USPL1: variants seen among roughly 807,000 people sequenced by gnomAD.
The protein encoded by USPL1 is SUMO-specific isopeptidase USPL1.
Under a neutral mutation model 51.5 loss-of-function variants are expected in USPL1, and 27 were observed. That is an observed-to-expected ratio of 0.52 (90% confidence interval 0.39 to 0.72). The LOEUF (loss-of-function observed/expected upper bound fraction) is 0.72. Ranked by LOEUF, USPL1 falls within the 30% of genes least tolerant of loss-of-function variation. The pLI is 0.00. For synonymous variants in USPL1, 451 were observed against 459.6 expected (o/e 0.98, Z 0.24); for missense variants, 1,226 against 1,268.0 (o/e 0.97, Z 0.50).
chr13:30,633,743 T>G (rs543230029), intron 4 of USPL1, among the ~76,000 whole-genome samples: 3 of 139,018 alleles, frequency 2.2e-5, no homozygotes. Context: ...ATCACGCCAC[T>G]GCACTCCAAC....
At chr13:30,619,588 C>G (rs182676953) in intron 1 of USPL1, among the ~76,000 whole-genome samples, 2 of 152,286 alleles carry the variant, frequency 1.3e-5, no homozygotes, top group East Asian at 3.9e-4. Flanking sequence ...TGCTTCTCTA[C>G]GCAGAATGAA....
intron 3 of USPL1, 77 bp from the exon 4 acceptor site, chr13:30,630,758 T>C: frequency 7.1e-7 from 1 of 1,412,802 alleles, no homozygotes; most frequent in Non-Finnish European, 9.5e-7. Flanking sequence ...TATACATGTT[T>C]TTCATGATAT....
intron 5 of USPL1, 117 bp from the exon 6 acceptor site, chr13:30,642,511 C>T: frequency 8.2e-7 from 1 of 1,214,486 alleles, no homozygotes; most frequent in South Asian, 1.9e-5. Context: ...TTGTGTCATA[C>T]TGTATTAACA....
chr13:30,659,597 A>G lies in USPL1; in HGVS notation c.*241A>G, dbSNP rs1951228674. On this transcript the variant is annotated 3_prime_UTR_variant, in exon 9 of 9. Transcript: ENST00000255304. ...TTCTTGTGAGAGTATGAGGATTTCA[A>G]AATGTTAAAGATGAAAAGTGGCGTC... is the stretch of plus-strand genomic sequence containing the variant. The G allele has an allele frequency of 2.6e-6, 1 of 385,650 alleles. No individual in the cohort carries two copies. Among genetic ancestry groups the G allele is most frequent in the Non-Finnish European group, 4.5e-6 (1 of 220,524 alleles). 23.9% of individuals were successfully genotyped at this position (385,650 alleles called of 1,614,324 possible).
At chr13:30,623,764 G>A (rs1950675010) in intron 3 of USPL1, among the ~76,000 whole-genome samples, 1 of 152,130 alleles carries the variant, frequency 6.6e-6, no homozygotes, top group Admixed American at 6.5e-5. Flanking sequence ...GGAAAGGAGT[G>A]GAGGGGCTGG....
intron 3 of USPL1, among the ~76,000 whole-genome samples, chr13:30,623,075 G>A (rs1950665152): frequency 6.6e-6 from 1 of 152,116 alleles, no homozygotes; most frequent in East Asian, 1.9e-4. Flanking sequence ...AAATAAGGCA[G>A]TAGGGACTGG....
Position 30,639,955 on chromosome 13 carries a change from A to G in USPL1, c.982+2098A>G, listed in dbSNP as rs141189649. ...ACCTCCGCCATGGGCCTGGTTTTCT[A>G]TGTAACAGAAGGAATTTTTAAATTA... is the stretch of plus-strand genomic sequence containing the variant. On this transcript the variant is annotated intron_variant, in intron 5 of 8. Coordinates refer to ENST00000255304, the MANE Select transcript of USPL1 (RefSeq NM_005800.5). Among the ~76,000 whole-genome samples, 299 of 152,272 alleles carry G rather than the reference A, an allele frequency of 2.0e-3. 2 individuals carry two copies. Among genetic ancestry groups the G allele is most frequent in the African/African-American group, 6.8e-3 (284 of 41,540 alleles).
chr13:30,620,838 T>C (rs1166845753), intron 1 of USPL1, among the ~76,000 whole-genome samples: 2 of 152,208 alleles, frequency 1.3e-5, no homozygotes, highest in East Asian at 3.8e-4. Context: ...TGTTGACAAA[T>C]GAGTCTGCTA....
chr13:30,654,382 C>G (rs956413466), intron 8 of USPL1, among the ~76,000 whole-genome samples: 2 of 151,628 alleles, frequency 1.3e-5, no homozygotes, highest in African/African-American at 4.8e-5. Flanking sequence ...TCCTTCTTTG[C>G]TCCTTCATTC....
intron 8 of USPL1, among the ~76,000 whole-genome samples, chr13:30,656,694 T>C (rs1040914305): frequency 1.3e-5 from 2 of 152,248 alleles, no homozygotes; most frequent in African/African-American, 4.8e-5. Flanking sequence ...CAAGAGGAAT[T>C]GCTGGGTCTT....
At position 30,659,638 on chromosome 13, in the gene USPL1, T is replaced by C. The variant is rs1951229579; in HGVS notation, c.*282T>C. 3.3e-6 allele frequency: 1 copy of C among 299,234 alleles called. No individual in the cohort carries two copies. The highest frequency in any genetic ancestry group is 2.2e-5 in the African/African-American group (1 of 45,678). 18.5% of individuals were successfully genotyped at this position (299,234 alleles called of 1,614,324 possible). On this transcript the variant is annotated 3_prime_UTR_variant, in exon 9 of 9. Transcript: ENST00000255304. Reference sequence around the variant, plus strand: ...AAGTGGCGTCTAGTTTCTGACAGTTTGTACAGTTGGATGCATTACATTTTT... The same window carrying C: ...AAGTGGCGTCTAGTTTCTGACAGTTCGTACAGTTGGATGCATTACATTTTT...
chr13:30,638,815 A>G (rs1593376183), intron 5 of USPL1, among the ~76,000 whole-genome samples: 1 of 150,768 alleles, frequency 6.6e-6, no homozygotes, highest in Non-Finnish European at 1.5e-5. Context: ...AGTTGTTGCT[A>G]CTGATTTGTC....
At chr13:30,650,517 C>G (rs939736664) in intron 7 of USPL1, among the ~76,000 whole-genome samples, 1 of 147,296 alleles carries the variant, frequency 6.8e-6, no homozygotes, top group African/African-American at 2.5e-5. Context: ...GCAAAGGTTT[C>G]AGTGAGCAGA....
At chr13:30,655,907 T>C (rs1421747379) in intron 8 of USPL1, among the ~76,000 whole-genome samples, 1 of 152,226 alleles carries the variant, frequency 6.6e-6, no homozygotes, top group African/African-American at 2.4e-5. Context: ...AGCTACGTAT[T>C]TGCTGTGCCG....
chr13:30,639,232 A>G, intron 5 of USPL1, among the ~76,000 whole-genome samples: 1 of 150,794 alleles, frequency 6.6e-6, no homozygotes. Context: ...GTATATATAT[A>G]TATATATATA....
chr13:30,618,233 C>A (rs1368214608), intron 1 of USPL1, among the ~76,000 whole-genome samples, 177 bp downstream of exon 1: 1 of 152,154 alleles, frequency 6.6e-6, no homozygotes, highest in Non-Finnish European at 1.5e-5. Context: ...CGTTTGGGCG[C>A]AGAGAGGTGA....
Position 30,653,226 on chromosome 13 carries a change from A to T in USPL1, c.1317A>T (p.Glu439Asp). ...TGCAGCACTATGCATTTCATTTTGA[A>T]GGCTGTCTTTATCAGATAACTTCTG... Reference protein sequence around the residue: ...NDLQHYAFHFEGCLYQITSVI... With the variant: ...NDLQHYAFHFDGCLYQITSVI... Residue 439 changes from glutamate to aspartate, a missense_variant, in exon 8 of 9, where the codon GAA (glutamate) becomes GAT (aspartate). Transcript: ENST00000255304. 6.2e-7 allele frequency: 1 copy of T among 1,613,298 alleles called. No individual in the cohort carries two copies. Among genetic ancestry groups the T allele is most frequent in the Non-Finnish European group, 8.5e-7 (1 of 1,179,480 alleles).
Position 30,658,535 on chromosome 13 carries a change from A to G in USPL1, c.2458A>G (p.Ser820Gly), listed in dbSNP as rs1388260096. The change falls in exon 9 of 9, where the codon AGT becomes GGT. Residue 820 changes from serine to glycine, a missense_variant. By Grantham distance (56) the Ser-to-Gly change is moderately conservative. Transcript: ENST00000255304. ...ATCCAAGAAAGCTCGTAAGAGTGCAAGTAAGCCTCCTCCCATCAGTAAGCC... is the reference window on the plus strand; with the variant it reads ...ATCCAAGAAAGCTCGTAAGAGTGCAGGTAAGCCTCCTCCCATCAGTAAGCC... ...HVSKKARKSA[S>G]KPPPISKPPA... is the part of the protein sequence containing the mutation. 3 of 1,614,104 alleles carry G rather than the reference A, an allele frequency of 1.9e-6. No individual in the cohort carries two copies. Among genetic ancestry groups the G allele is most frequent in the East Asian group, 4.5e-5 (2 of 44,882 alleles).
Position 30,658,929 on chromosome 13 carries a change from A to AGG in USPL1, c.2853_2854insGG (p.Ser952GlyfsTer22), listed in dbSNP as rs1238278452. The AGG allele has an allele frequency of 6.2e-7, 1 of 1,614,230 alleles. No individual in the cohort carries two copies. Among genetic ancestry groups the AGG allele is most frequent in the South Asian group, 1.1e-5 (1 of 91,086 alleles). ...CCATATCCAATTGATATTGCCAGTGAGTCTGCATGCACCACTGTTCCTGGT... is the reference window on the plus strand; with the variant it reads ...CCATATCCAATTGATATTGCCAGTGAGGGTCTGCATGCACCACTGTTCCTGGT... On this transcript the variant is annotated frameshift_variant, in exon 9 of 9. Coordinates refer to ENST00000255304, the MANE Select transcript of USPL1 (RefSeq NM_005800.5). LOFTEE classifies it low-confidence loss of function (END_TRUNC).
Sources: gnomAD v4.1 joint callset for allele counts (sites outside exome capture counted in the v4.1 genomes callset) on GRCh38, gnomAD v4.1.1 for gene constraint, MANE v1.5 for transcripts, NCBI Gene and HGNC (gene_info 2026-07-23, HGNC 2026-07-21) for gene names.